The following MALRD1 variants were observed in gnomAD, a reference collection of about 807,000 sequenced individuals.
The protein encoded by MALRD1 is MAM and LDL receptor class A domain containing 1, also known as MAM and LDL-receptor class A domain-containing protein 1.
In MALRD1, 247 loss-of-function variants were observed where a neutral mutation model predicts 242.1. The ratio of observed to expected loss-of-function variants is 1.02; its 90% CI spans 0.92 to 1.13. MALRD1 has a LOEUF of 1.13. MALRD1 is among the 50% of genes most tolerant of loss of function. The pLI is 0.00. For missense variants in MALRD1, 2,989 were observed against 2,533.1 expected (o/e 1.18, Z -3.86); for synonymous variants, 995 against 866.6 (o/e 1.15, Z -2.60).
intron 29 of MALRD1, among the ~76,000 whole-genome samples, chr10:19,480,436 G>A (rs1318602534): frequency 6.6e-6 from 1 of 152,154 alleles, no homozygotes; most frequent in Non-Finnish European, 1.5e-5. Context: ...ACTGGAAAAG[G>A]AACCAAGAGA....
chr10:19,389,634 C>T, intron 28 of MALRD1, 25 bp downstream of exon 28: 1 of 1,542,370 alleles, frequency 6.5e-7, no homozygotes. Context: ...TGTGATGCCT[C>T]TGAGCTTGTT....
chr10:19,352,301 C>T lies in MALRD1; in HGVS notation c.4441+4C>T, dbSNP rs202096417. 4.0e-3 allele frequency: 5,717 copies of T among 1,445,752 alleles called. 135 individuals are homozygous for T. In the African/African-American group the frequency reaches 0.1, roughly 25 times the overall value. The allele number at this position is 1,445,752 out of a possible 1,614,324, so 89.6% of individuals were successfully genotyped here. ...CTGGCAGTGCCTCTTCCAACAGGTA[C>T]ATTCTAATCTGTGTGTGTGTGTGGT... On this transcript the variant is annotated splice_donor_region_variant and intron_variant, in intron 26 of 39. Coordinates refer to ENST00000454679, the MANE Select transcript of MALRD1 (RefSeq NM_001142308.3).
At chr10:19,479,180 T>G (rs140983532) in intron 29 of MALRD1, among the ~76,000 whole-genome samples, 3 of 152,322 alleles carry the variant, frequency 2.0e-5, no homozygotes, top group African/African-American at 7.2e-5. Context: ...CCTTTAAGGA[T>G]TCTTCATTTT....
chr10:19,583,388 G>C (rs1388158714), intron 33 of MALRD1, among the ~76,000 whole-genome samples: 1 of 150,862 alleles, frequency 6.6e-6, no homozygotes, highest in Non-Finnish European at 1.5e-5. Context: ...ATTATTTTGA[G>C]ATACGTCCCA....
intron 21 of MALRD1, among the ~76,000 whole-genome samples, chr10:19,307,777 G>C (rs547588263): frequency 1.3e-4 from 19 of 151,598 alleles, no homozygotes; most frequent in South Asian, 6.2e-4. Context: ...CCAACCTACT[G>C]CTGACCTTAC....
At chr10:19,598,907 C>G (rs936404609) in intron 34 of MALRD1, among the ~76,000 whole-genome samples, 1 of 151,998 alleles carries the variant, frequency 6.6e-6, no homozygotes, top group Non-Finnish European at 1.5e-5. Flanking sequence ...GGCAAAAATC[C>G]TTTAGTATCA....
chr10:19,286,382 C>A (rs1251602851), intron 21 of MALRD1, among the ~76,000 whole-genome samples: 3 of 150,148 alleles, frequency 2.0e-5, no homozygotes, highest in Non-Finnish European at 4.4e-5. Context: ...ATGATATTGG[C>A]TGTGGGTTTG....
chr10:19,477,915 T>G (rs1007163744), intron 29 of MALRD1, among the ~76,000 whole-genome samples: 11 of 152,204 alleles, frequency 7.2e-5, no homozygotes, highest in Non-Finnish European at 1.2e-4. Context: ...AAAAGGGAAG[T>G]TGGAGCTGCC....
At chr10:19,725,473 T>C (rs1449573536) in intron 38 of MALRD1, among the ~76,000 whole-genome samples, 1 of 152,178 alleles carries the variant, frequency 6.6e-6, no homozygotes. Flanking sequence ...TAAACCTCTT[T>C]CCTTTATAAA....
At chr10:19,621,351 T>TAAAAAAAAAAAAAAA (rs56041015) in intron 36 of MALRD1, among the ~76,000 whole-genome samples, 9 of 121,808 alleles carry the variant, frequency 7.4e-5, no homozygotes, top group Non-Finnish European at 1.3e-4. Flanking sequence ...TAAAAATATG[T>TAAAAAAAAAAAAAAA]AAAAAAAAAA....
chr10:19,141,210 T>A (rs957813392), intron 10 of MALRD1, among the ~76,000 whole-genome samples: 3 of 152,174 alleles, frequency 2.0e-5, no homozygotes, highest in African/African-American at 7.2e-5. Flanking sequence ...ATACATGAAA[T>A]AGATCTAATT....
chr10:19,347,033 G>A (rs1472592564), intron 24 of MALRD1, among the ~76,000 whole-genome samples: 2 of 152,014 alleles, frequency 1.3e-5, no homozygotes, highest in African/African-American at 2.4e-5. Context: ...AATGTATAAG[G>A]TATGACACCT....
At chr10:19,278,720 A>T (rs2131873523) in intron 19 of MALRD1, among the ~76,000 whole-genome samples, 1 of 152,296 alleles carries the variant, frequency 6.6e-6, no homozygotes. Context: ...GAGATGGCAT[A>T]TTTGACTTGT....
chr10:19,401,347 T>G lies in MALRD1; in HGVS notation c.4845+11738T>G, dbSNP rs1846834261. ...AATTTAACTTCGTAATCATTTCTTT[T>G]GGGTAACTTCTAACATAATGTATTT... On this transcript the variant is annotated intron_variant, in intron 28 of 39. Transcript: ENST00000454679. Among the ~76,000 whole-genome samples, 2 of 152,200 alleles carry G rather than the reference T, an allele frequency of 1.3e-5. 1 individual carries two copies. The highest frequency in any genetic ancestry group is 4.1e-4 in the South Asian group (2 of 4,838).
chr10:19,724,719 A>C (rs1369661992), intron 38 of MALRD1, among the ~76,000 whole-genome samples: 1 of 152,224 alleles, frequency 6.6e-6, no homozygotes, highest in African/African-American at 2.4e-5. Context: ...TCAAAAATAA[A>C]CTTTTGCCAG....
At chr10:19,604,150 G>A in intron 34 of MALRD1, among the ~76,000 whole-genome samples, 1 of 152,142 alleles carries the variant, frequency 6.6e-6, no homozygotes, top group Admixed American at 6.6e-5. Context: ...TTGTGAATGT[G>A]AAGGAAAAAT....
chr10:19,580,010 A>G (rs901201835), intron 33 of MALRD1, among the ~76,000 whole-genome samples: 1 of 152,188 alleles, frequency 6.6e-6, no homozygotes, highest in African/African-American at 2.4e-5. Context: ...TTGTGGCCAC[A>G]CTAACACTGA....
At chr10:19,183,537 G>T (rs1366451106) in intron 14 of MALRD1, among the ~76,000 whole-genome samples, 3 of 152,052 alleles carry the variant, frequency 2.0e-5, no homozygotes, top group Non-Finnish European at 4.4e-5. Context: ...ATATTTTAAT[G>T]CTATTTATTT....
chr10:19,097,725 G>T (rs1378030393), intron 4 of MALRD1, among the ~76,000 whole-genome samples: 1 of 152,124 alleles, frequency 6.6e-6, no homozygotes, highest in African/African-American at 2.4e-5. Context: ...GGACCAGATT[G>T]ATAACATTTA....
Sources: allele counts gnomAD v4.1 joint callset (sites outside exome capture counted in the v4.1 genomes callset), GRCh38; gene constraint gnomAD v4.1.1; transcripts MANE v1.5; gene names NCBI Gene and HGNC (gene_info 2026-07-23, HGNC 2026-07-21).